The following SELP variants were observed in gnomAD, a reference collection of about 807,000 sequenced individuals.
The protein encoded by SELP is P-selectin.
Under a neutral mutation model 104.1 loss-of-function variants are expected in SELP, and 92 were observed. That is an observed-to-expected ratio of 0.88 (90% CI 0.75 to 1.05). The LOEUF (loss-of-function observed/expected upper bound fraction) is 1.05, where lower values mean the gene tolerates loss of function less well. Among genes scored for constraint, SELP ranks in the 50% least tolerant of loss-of-function variants. The probability of loss-of-function intolerance (pLI) is 0.00; values close to 1 mark genes in which losing one functional copy is unlikely to be tolerated. For missense variants in SELP, 1,022 were observed against 1,017.3 expected (o/e 1.00, Z -0.06); for synonymous variants, 397 against 364.5 (o/e 1.09, Z -1.01).
intron 9 of SELP, among the ~76,000 whole-genome samples, chr1:169,604,701 T>C (rs112976306): frequency 5.3e-4 from 80 of 152,288 alleles, no homozygotes; most frequent in Middle Eastern, 6.8e-3. Context: ...GTAGTAAGTG[T>C]GTATGTGGGG....
chr1:169,597,484 A>AC (rs1661687194), intron 10 of SELP, among the ~76,000 whole-genome samples: 1 of 152,126 alleles, frequency 6.6e-6, no homozygotes, highest in African/African-American at 2.4e-5. Flanking sequence ...TGCTTCAGAG[A>AC]CCTCGTAGCC....
In SELP at chr1:169,609,690, C is replaced by T. The variant is rs1236139307; in HGVS notation, c.1148-1G>A. Reference sequence around the variant, plus strand: ...CTCTCCAGCGGCTCACACGAAATAGCTAAGTGGAAAAGGTATCTTCTAAAG... The same window carrying T: ...CTCTCCAGCGGCTCACACGAAATAGTTAAGTGGAAAAGGTATCTTCTAAAG... On this transcript the variant is annotated splice_acceptor_variant, in intron 7 of 16. Transcript: ENST00000263686. LOFTEE classifies it high-confidence loss of function. 1 of 1,606,814 alleles carries T rather than the reference C, an allele frequency of 6.2e-7. No homozygotes were observed. Among genetic ancestry groups the T allele is most frequent in the Admixed American group, 1.7e-5 (1 of 58,684 alleles).
chr1:169,616,975 A>AG, intron 3 of SELP, 53 bp downstream of exon 3: 1 of 1,499,418 alleles, frequency 6.7e-7, no homozygotes, highest in Non-Finnish European at 8.9e-7. Flanking sequence ...CAACCAGAGA[A>AG]GGCAGGGTTT....
At chr1:169,592,741 T>A (rs536295037) in intron 14 of SELP, among the ~76,000 whole-genome samples, 3 of 152,296 alleles carry the variant, frequency 2.0e-5, no homozygotes, top group African/African-American at 7.2e-5. Flanking sequence ...GCATCAACTT[T>A]ACAAATTTTC....
rs1275713116 is a variant in SELP, at chr1:169,597,123, C to T, written c.1759G>A (p.Asp587Asn). Reference sequence around the variant, plus strand: ...CCAACATTGAATTCTCCACGAGTGTCAGAACAATCCAGGCTGCCCTGCTCT... The same window carrying T: ...CCAACATTGAATTCTCCACGAGTGTTAGAACAATCCAGGCTGCCCTGCTCT... ...APEQGSLDCS[D>N]TRGEFNVGST... The change falls in exon 11 of 17, where the codon GAC becomes AAC. Residue 587 changes from aspartate (D) to asparagine (N), a missense_variant. Transcript: ENST00000263686. 6.2e-7 allele frequency: 1 copy of T among 1,612,048 alleles called. No individual in the cohort carries two copies. The highest frequency in any genetic ancestry group is 8.5e-7 in the Non-Finnish European group (1 of 1,179,018).
chr1:169,622,370 T>C (rs1403782132), intron 1 of SELP, among the ~76,000 whole-genome samples: 1 of 152,206 alleles, frequency 6.6e-6, no homozygotes, highest in Admixed American at 6.5e-5. Context: ...CTTCAAGGAA[T>C]TGAGACATTG....
intron 9 of SELP, among the ~76,000 whole-genome samples, chr1:169,605,598 C>T (rs774013461): frequency 1.6e-4 from 24 of 151,940 alleles, no homozygotes; most frequent in Non-Finnish European, 2.5e-4. Flanking sequence ...TGTTGAAAGT[C>T]TATACAAAGT....
intron 10 of SELP, among the ~76,000 whole-genome samples, chr1:169,602,292 C>G (rs1182136617): frequency 6.6e-6 from 1 of 152,112 alleles, no homozygotes; most frequent in Non-Finnish European, 1.5e-5. Flanking sequence ...GGGAAGTGCA[C>G]ACATAGTTAT....
Position 169,611,619 on chromosome 1 carries a change from C to T in SELP, c.1020G>A (p.Pro340=), listed in dbSNP as rs368869626. The T allele has an allele frequency of 2.0e-5, 32 of 1,613,958 alleles. No homozygotes were observed. The highest frequency in any genetic ancestry group is 6.7e-5 in the East Asian group (3 of 44,898). The change falls in exon 7 of 17, where the codon CCG becomes CCA. Residue 340 remains proline (P), a synonymous_variant. Transcript: ENST00000263686. ...PSEGTMDCVH[P]LTAFAYGSSC... is the part of the protein sequence containing the mutation. ...TGGAGCCATAGGCAAAAGCAGTGAG[C>T]GGATGAACACAGTCCATGGTTCCTT...
Position 169,613,033 on chromosome 1 carries a change from GA to G in SELP, c.670del (p.Ser224ArgfsTer13). ...GTCAGTGCAGTGGAAGCTGCACTGC[GA>G]GTTAAAAGAGAAGTTTCCCAGAGGG... is the stretch of plus-strand genomic sequence containing the variant. Reference protein sequence around the residue: ...SHPLGNFSFNSQCSFHCTDGY... With the variant: ...SHPLGNFSFNXQCSFHCTDGY... On this transcript the variant is annotated frameshift_variant, in exon 5 of 17. Transcript: ENST00000263686. LOFTEE classifies it high-confidence loss of function. 6.2e-7 allele frequency: 1 copy of G among 1,613,710 alleles called. No individual in the cohort carries two copies. The highest frequency in any genetic ancestry group is 8.5e-7 in the Non-Finnish European group (1 of 1,179,726).
intron 16 of SELP, 177 bp from the exon 17 acceptor site, chr1:169,589,638 C>T (rs1403634927): frequency 6.6e-6 from 1 of 151,860 alleles, no homozygotes; most frequent in East Asian, 1.9e-4. Context: ...AAAAATTGCT[C>T]ATCATATCTA....
chr1:169,620,297 A>C (rs1663032648), intron 1 of SELP, among the ~76,000 whole-genome samples: 1 of 151,954 alleles, frequency 6.6e-6, no homozygotes, highest in African/African-American at 2.4e-5. Context: ...AAAATACTGA[A>C]GCTTGGGGCA....
Position 169,609,589 on chromosome 1 carries a change from A to G in SELP, c.1248T>C (p.Cys416=). Residue 416 remains cysteine (C), a synonymous_variant, in exon 8 of 17, where the codon TGT becomes TGC. Coordinates refer to ENST00000263686, the MANE Select transcript of SELP (RefSeq NM_003005.4). The part of the protein sequence containing the change: ...FQYDTNCSFR[C]AEGFMLRGAD... Reference sequence around the variant, plus strand: ...CTCCTCTCAGCATGAAACCTTCAGCACAGCGGAAGCTACAGTTGGTGTCAT... The same window carrying G: ...CTCCTCTCAGCATGAAACCTTCAGCGCAGCGGAAGCTACAGTTGGTGTCAT... 1 of 1,614,070 alleles carries G rather than the reference A, an allele frequency of 6.2e-7. No individual in the cohort carries two copies. The highest frequency in any genetic ancestry group is 1.1e-5 in the South Asian group (1 of 91,084).
chr1:169,606,852 C>T, intron 9 of SELP, 97 bp downstream of exon 9: 2 of 1,114,132 alleles, frequency 1.8e-6, no homozygotes, highest in South Asian at 2.8e-5. Context: ...CAGTCCATTT[C>T]AAGGTGGATC....
chr1:169,607,418 C>T (rs1315791643), intron 8 of SELP, among the ~76,000 whole-genome samples: 2 of 151,804 alleles, frequency 1.3e-5, no homozygotes, highest in Non-Finnish European at 2.9e-5. Flanking sequence ...AGATGCATAC[C>T]AAAAAATCTA....
At chr1:169,613,928 G>A (rs535043904) in intron 3 of SELP, among the ~76,000 whole-genome samples, 2 of 152,200 alleles carry the variant, frequency 1.3e-5, no homozygotes, top group African/African-American at 4.8e-5. Flanking sequence ...CCTAAGGAGG[G>A]TATTGTTGTG....
chr1:169,618,503 A>G (rs1488728280), intron 2 of SELP, among the ~76,000 whole-genome samples: 1 of 152,228 alleles, frequency 6.6e-6, no homozygotes, highest in Non-Finnish European at 1.5e-5. Context: ...CATTTCCCAC[A>G]TGAAGAGGTG....
At chr1:169,594,011 A>C (rs969355917) in intron 13 of SELP, among the ~76,000 whole-genome samples, 1 of 152,210 alleles carries the variant, frequency 6.6e-6, no homozygotes. Context: ...AATTGTAGAC[A>C]CAAGAAGCCT....
At chr1:169,606,679 G>A (rs1285764271) in intron 9 of SELP, among the ~76,000 whole-genome samples, 1 of 152,128 alleles carries the variant, frequency 6.6e-6, no homozygotes, top group Non-Finnish European at 1.5e-5. Context: ...GAGCCTTCAG[G>A]TCTGGGTAAA....
Sources: gnomAD v4.1 joint callset for allele counts (sites outside exome capture counted in the v4.1 genomes callset) on GRCh38, gnomAD v4.1.1 for gene constraint, MANE v1.5 for transcripts, NCBI Gene and HGNC (gene_info 2026-07-23, HGNC 2026-07-21) for gene names.